Variants in ANO2 observed in about 807,000 individuals in gnomAD.
The protein encoded by ANO2 is anoctamin 2.
In ANO2, 101 loss-of-function variants were observed where a neutral mutation model predicts 124.2. The ratio of observed to expected loss-of-function variants is 0.81; its 90% CI spans 0.69 to 0.96. The LOEUF (loss-of-function observed/expected upper bound fraction) is 0.96. Ranked by LOEUF, ANO2 falls within the 40% of genes least tolerant of loss-of-function variation. The pLI, the probability that ANO2 is intolerant of heterozygous loss-of-function variation, is 0.00. For synonymous variants in ANO2, 486 were observed against 482.5 expected (o/e 1.01, Z -0.09); for missense variants, 1,293 against 1,274.5 (o/e 1.01, Z -0.22).
intron 10 of ANO2, among the ~76,000 whole-genome samples, chr12:5,751,789 T>C (rs959814430): frequency 1.3e-5 from 2 of 152,240 alleles, no homozygotes; most frequent in African/African-American, 4.8e-5. Flanking sequence ...TACAGTATCA[T>C]TAACTATAGG....
intron 14 of ANO2, among the ~76,000 whole-genome samples, chr12:5,718,720 T>C (rs1016194821): frequency 2.1e-4 from 32 of 152,224 alleles, no homozygotes; most frequent in African/African-American, 7.7e-4. Context: ...ATTCAGTCAA[T>C]GGAAGGTACT....
At chr12:5,592,516 G>T (rs552258609) in intron 20 of ANO2, among the ~76,000 whole-genome samples, 1 of 152,202 alleles carries the variant, frequency 6.6e-6, no homozygotes, top group Non-Finnish European at 1.5e-5. Context: ...CAAAACAAGA[G>T]CCAGCTTGGG....
At chr12:5,682,984 G>C (rs1565562921) in intron 14 of ANO2, among the ~76,000 whole-genome samples, 1 of 152,200 alleles carries the variant, frequency 6.6e-6, no homozygotes, top group East Asian at 1.9e-4. Flanking sequence ...TGAGTACTGG[G>C]GACCGTGGAC....
At chr12:5,617,271 C>T (rs111535978) in intron 16 of ANO2, among the ~76,000 whole-genome samples, 48 of 150,950 alleles carry the variant, frequency 3.2e-4, no homozygotes, top group African/African-American at 1.1e-3. Flanking sequence ...CACAGTGTAC[C>T]ACCCTCTCCA....
At chr12:5,875,114 T>A (rs1938003019) in intron 3 of ANO2, among the ~76,000 whole-genome samples, 1 of 152,236 alleles carries the variant, frequency 6.6e-6, no homozygotes, top group Non-Finnish European at 1.5e-5. Context: ...TCTGCTATAC[T>A]GGACTTCCTG....
chr12:5,832,482 G>A lies in ANO2; in HGVS notation c.755C>T (p.Ser252Phe). 1.9e-6 allele frequency: 3 copies of A among 1,613,996 alleles called. No homozygotes were observed. Among genetic ancestry groups the A allele is most frequent in the Non-Finnish European group, 2.5e-6 (3 of 1,179,886 alleles). ...EHSNNKMKNL[S>F]YPFSREKMYL... is the part of the protein sequence containing the mutation. Reference sequence around the variant, plus strand: ...CATCTTCTCCCTGGAGAATGGGTAGGAGAGGTTTTTCATCTTGTTGTTGCT... The same window carrying A: ...CATCTTCTCCCTGGAGAATGGGTAGAAGAGGTTTTTCATCTTGTTGTTGCT... Residue 252 changes from serine to phenylalanine, a missense_variant, in exon 5 of 25, where the codon TCC becomes TTC. Physicochemically the swap from Ser to Phe is radical, Grantham distance 155 (BLOSUM62 -2). Transcript: ENST00000682330.
intron 20 of ANO2, among the ~76,000 whole-genome samples, chr12:5,587,662 TAGTA>T (rs1419178194): frequency 3.3e-5 from 5 of 152,100 alleles, no homozygotes; most frequent in African/African-American, 1.2e-4. Context: ...AAGTCCTTCT[TAGTA>T]AGCCCTTCAG....
At chr12:5,645,773 A>AT in intron 15 of ANO2, among the ~76,000 whole-genome samples, 1 of 152,020 alleles carries the variant, frequency 6.6e-6, no homozygotes, top group East Asian at 1.9e-4. Flanking sequence ...CTTTTGGGTG[A>AT]TTTTTTGAGG....
At chr12:5,774,776 AG>A (rs1952179601) in intron 10 of ANO2, among the ~76,000 whole-genome samples, 1 of 152,116 alleles carries the variant, frequency 6.6e-6, no homozygotes, top group South Asian at 2.1e-4. Flanking sequence ...TCCTGCCCCC[AG>A]GTTCATCCAT....
intron 14 of ANO2, among the ~76,000 whole-genome samples, chr12:5,665,397 T>C (rs568636666): frequency 1.3e-5 from 2 of 152,290 alleles, no homozygotes; most frequent in Admixed American, 1.3e-4. Flanking sequence ...TGGCTTTGCG[T>C]CTGTGCTTCA....
In ANO2 at chr12:5,787,680, G is replaced by T. The variant is rs1052120689; in HGVS notation, c.1055+11827C>A. Among the ~76,000 whole-genome samples, 6 of 152,082 alleles carry T rather than the reference G, an allele frequency of 3.9e-5. No homozygotes were observed. Among genetic ancestry groups the T allele is most frequent in the Admixed American group, 1.3e-4 (2 of 15,264 alleles). ...TGTTGTCATTATTTTCCTCATCTTT[G>T]CCTGGATCATTTTTGTTTTGACCCA... On this transcript the variant is annotated intron_variant, in intron 10 of 24. Coordinates refer to ENST00000682330, the MANE Select transcript of ANO2 (RefSeq NM_001364791.2). The surrounding 1 kb of genome is among the most constrained non-coding windows in gnomAD (Gnocchi z 4.2).
At chr12:5,938,420 C>A (rs1942747127) in intron 1 of ANO2, among the ~76,000 whole-genome samples, 2 of 152,198 alleles carry the variant, frequency 1.3e-5, no homozygotes, top group African/African-American at 4.8e-5. Flanking sequence ...TAATTTATGA[C>A]AGAATGTCTA....
At chr12:5,647,111 C>T (rs912212684) in intron 15 of ANO2, among the ~76,000 whole-genome samples, 3 of 152,164 alleles carry the variant, frequency 2.0e-5, no homozygotes, top group African/African-American at 7.2e-5. Context: ...CTAACTTAGT[C>T]CTCTGATTTT....
chr12:5,599,347 A>G, intron 20 of ANO2, 137 bp downstream of exon 20: 2 of 1,076,636 alleles, frequency 1.9e-6, no homozygotes, highest in South Asian at 1.8e-5. Flanking sequence ...TGAAGGGAAC[A>G]CTGAATAGCC....
chr12:5,573,449 G>A (rs1942235773), intron 23 of ANO2, among the ~76,000 whole-genome samples: 1 of 152,202 alleles, frequency 6.6e-6, no homozygotes, highest in Non-Finnish European at 1.5e-5. Flanking sequence ...GTGGAGACCT[G>A]CGCTCTTAGA....
At chr12:5,720,712 T>G (rs6489655) in intron 14 of ANO2, among the ~76,000 whole-genome samples, 152,237 of 152,274 alleles carry the variant, frequency 1, 76,100 homozygotes, top group Non-Finnish European at 1. Context: ...TAGCTCCGAG[T>G]CTGGATCCAC....
At chr12:5,620,848 C>T (rs939169605) in intron 16 of ANO2, among the ~76,000 whole-genome samples, 3 of 152,008 alleles carry the variant, frequency 2.0e-5, no homozygotes, top group Admixed American at 1.3e-4. Flanking sequence ...CTAGCGCTGC[C>T]GCTTCTGTCA....
At chr12:5,640,942 C>T (rs1429254837) in intron 15 of ANO2, among the ~76,000 whole-genome samples, 4 of 152,172 alleles carry the variant, frequency 2.6e-5, no homozygotes, top group African/African-American at 7.2e-5. Flanking sequence ...TATTGCAGCA[C>T]TATTCACAAC....
At chr12:5,891,888 T>C (rs1014019405) in intron 3 of ANO2, among the ~76,000 whole-genome samples, 23 of 152,174 alleles carry the variant, frequency 1.5e-4, no homozygotes, top group Non-Finnish European at 4.4e-5. Flanking sequence ...GTGTCCAGGA[T>C]ACAATTTAAA....
Sources: gnomAD v4.1 joint callset for allele counts (sites outside exome capture counted in the v4.1 genomes callset) on GRCh38, gnomAD v4.1.1 for gene constraint, Gnocchi (gnomAD v3.1) non-coding constraint, MANE v1.5 for transcripts, NCBI Gene and HGNC (gene_info 2026-07-23, HGNC 2026-07-21) for gene names.